Variants in TMEM108 observed in about 807,000 individuals in gnomAD.
The protein encoded by TMEM108 is transmembrane protein 108.
Under a neutral mutation model 35.1 loss-of-function variants are expected in TMEM108, and 12 were observed. The observed-to-expected ratio is 0.34, with a 90% CI of 0.22 to 0.55. The LOEUF (loss-of-function observed/expected upper bound fraction) is 0.55. Among genes scored for constraint, TMEM108 ranks in the 20% least tolerant of loss-of-function variants. The pLI is 0.89. For missense variants in TMEM108, 680 were observed against 753.3 expected (o/e 0.90, Z 1.14); for synonymous variants, 287 against 308.6 (o/e 0.93, Z 0.73).
intron 3 of TMEM108, among the ~76,000 whole-genome samples, chr3:133,319,668 T>C (rs2071241624): frequency 6.6e-6 from 1 of 152,136 alleles, no homozygotes; most frequent in Non-Finnish European, 1.5e-5. Flanking sequence ...CCGGTATCCA[T>C]GTTTGGGAGA....
rs115952822 is a variant in TMEM108, at chr3:133,039,540, G to C, written c.-166+1105G>C. ...AGGTATGTCCAGGAACTTAAGAGCA[G>C]GTCAAGCTATGGAAAGTATTCCCTG... On this transcript the variant is annotated intron_variant, in intron 1 of 5. Coordinates refer to ENST00000321871, the MANE Select transcript of TMEM108 (RefSeq NM_023943.4). Among the ~76,000 whole-genome samples the C allele has an allele frequency of 6.4e-3, 972 of 152,266 alleles. 10 individuals carry two copies. Among genetic ancestry groups the C allele is most frequent in the African/African-American group, 0.022 (901 of 41,538 alleles).
At chr3:133,107,682 G>A (rs1944170854) in intron 2 of TMEM108, among the ~76,000 whole-genome samples, 1 of 152,122 alleles carries the variant, frequency 6.6e-6, no homozygotes, top group Non-Finnish European at 1.5e-5. Context: ...TGATTCACCA[G>A]GTTACCCAGG....
chr3:133,223,781 T>A (rs1435708265), intron 2 of TMEM108, among the ~76,000 whole-genome samples: 1 of 152,186 alleles, frequency 6.6e-6, no homozygotes, highest in Non-Finnish European at 1.5e-5. Context: ...AAACAGAAAT[T>A]CTATCACTGT....
chr3:133,226,950 G>A (rs957260354), intron 2 of TMEM108, among the ~76,000 whole-genome samples: 3 of 152,092 alleles, frequency 2.0e-5, no homozygotes, highest in African/African-American at 7.2e-5. Context: ...GGCAGGCAAA[G>A]AGAGAGAGCT....
intron 2 of TMEM108, among the ~76,000 whole-genome samples, chr3:133,195,613 A>G (rs1051464246): frequency 1.3e-5 from 2 of 152,164 alleles, no homozygotes; most frequent in Admixed American, 6.6e-5. Context: ...AAGCTCCTTG[A>G]GTCCGCGGGA....
chr3:133,096,860 T>G (rs6807522), intron 2 of TMEM108, among the ~76,000 whole-genome samples: 71,027 of 151,760 alleles, frequency 0.47, 18,002 homozygotes, highest in Non-Finnish European at 0.57. Flanking sequence ...GAGAATGGAG[T>G]TTTACAAATA....
At chr3:133,137,835 C>T (rs181837611) in intron 2 of TMEM108, among the ~76,000 whole-genome samples, 2 of 152,248 alleles carry the variant, frequency 1.3e-5, no homozygotes, top group East Asian at 3.9e-4. Flanking sequence ...GAGCAGGTCT[C>T]CTTGGTGCCC....
At chr3:133,286,036 A>G (rs747004845) in intron 3 of TMEM108, among the ~76,000 whole-genome samples, 1 of 152,186 alleles carries the variant, frequency 6.6e-6, no homozygotes, top group African/African-American at 2.4e-5. Flanking sequence ...GACTTTCACA[A>G]CTACCTCATC....
intron 3 of TMEM108, among the ~76,000 whole-genome samples, chr3:133,375,969 C>T (rs753069764): frequency 5.9e-5 from 9 of 152,128 alleles, no homozygotes; most frequent in Non-Finnish European, 1.0e-4. Context: ...TGGCAGTATC[C>T]GTTCATTGTG....
intron 2 of TMEM108, among the ~76,000 whole-genome samples, chr3:133,098,525 A>T (rs957891720): frequency 1.3e-5 from 2 of 152,200 alleles, no homozygotes; most frequent in Admixed American, 6.5e-5. Flanking sequence ...TTTCAGCATT[A>T]ACCCAAAAGT....
intron 2 of TMEM108, among the ~76,000 whole-genome samples, chr3:133,194,359 T>G (rs1945545982): frequency 6.6e-6 from 1 of 152,208 alleles, no homozygotes; most frequent in Admixed American, 6.5e-5. Flanking sequence ...TTGAGTGTGT[T>G]TATGCCAGTT....
chr3:133,053,920 T>G (rs1943435022), intron 2 of TMEM108, among the ~76,000 whole-genome samples: 1 of 152,220 alleles, frequency 6.6e-6, no homozygotes. Context: ...TGATAGGTTT[T>G]GTAGTAACTA....
chr3:133,109,674 A>T (rs1372707107), intron 2 of TMEM108, among the ~76,000 whole-genome samples: 1 of 152,186 alleles, frequency 6.6e-6, no homozygotes, highest in Admixed American at 6.5e-5. Context: ...TGTAAGAAAT[A>T]TTTAATTTCT....
intron 2 of TMEM108, among the ~76,000 whole-genome samples, chr3:133,120,578 G>T (rs147606303): frequency 6.6e-6 from 1 of 151,882 alleles, no homozygotes; most frequent in Non-Finnish European, 1.5e-5. Context: ...AGATGCTCTG[G>T]GCATAGCTCA....
chr3:133,314,636 A>G (rs2071174183), intron 3 of TMEM108, among the ~76,000 whole-genome samples: 1 of 152,146 alleles, frequency 6.6e-6, no homozygotes, highest in South Asian at 2.1e-4. Flanking sequence ...CACTAAAGCC[A>G]TTTCTCCACC....
intron 2 of TMEM108, among the ~76,000 whole-genome samples, chr3:133,054,893 G>A (rs1521093): frequency 0.62 from 93,713 of 152,094 alleles, 29,743 homozygotes; most frequent in African/African-American, 0.78. Context: ...ACAAGTTAGT[G>A]TTTCCTTAGA....
At chr3:133,319,479 A>G (rs1202584570) in intron 3 of TMEM108, among the ~76,000 whole-genome samples, 1 of 152,214 alleles carries the variant, frequency 6.6e-6, no homozygotes, top group African/African-American at 2.4e-5. Context: ...GGAAGGAGAA[A>G]ACATCTAATT....
chr3:133,159,407 G>C (rs915285409), intron 2 of TMEM108, among the ~76,000 whole-genome samples: 1 of 152,118 alleles, frequency 6.6e-6, no homozygotes, highest in Non-Finnish European at 1.5e-5. Flanking sequence ...ATTTATCCAT[G>C]CTCTGAGTAG....
At chr3:133,053,423 G>GT (rs1943429901) in intron 2 of TMEM108, among the ~76,000 whole-genome samples, 1 of 152,190 alleles carries the variant, frequency 6.6e-6, no homozygotes, top group Admixed American at 6.5e-5. Flanking sequence ...AATTTGTGAG[G>GT]TTATGTGTAG....
Sources: allele counts gnomAD v4.1 joint callset (sites outside exome capture counted in the v4.1 genomes callset), GRCh38; gene constraint gnomAD v4.1.1; transcripts MANE v1.5; gene names NCBI Gene and HGNC (gene_info 2026-07-23, HGNC 2026-07-21).